The following SLCO1B1 variants were observed in gnomAD, a reference collection of about 807,000 sequenced individuals.
SLCO1B1 encodes the protein solute carrier organic anion transporter family member 1B1.
A neutral mutation model predicts 70.1 loss-of-function variants in SLCO1B1; 81 were observed. The ratio of observed to expected loss-of-function variants is 1.16; its 90% CI spans 0.97 to 1.39. The LOEUF is 1.39. Ranked by LOEUF, SLCO1B1 falls within the 40% of genes most tolerant of loss-of-function variation. The probability of loss-of-function intolerance (pLI) is 0.00; values close to 1 mark genes in which losing one functional copy is unlikely to be tolerated. For synonymous variants in SLCO1B1, 283 were observed against 271.5 expected, an observed-to-expected ratio of 1.04 and a Z score of -0.42; for missense variants, 895 against 799.6, an observed-to-expected ratio of 1.12 and a Z score of -1.44.
intron 14 of SLCO1B1, among the ~76,000 whole-genome samples, chr12:21,230,335 TTTTTTTTTTTTG>T (rs1284253958): frequency 3.5e-5 from 5 of 143,480 alleles, no homozygotes; most frequent in Non-Finnish European, 4.5e-5. Context: ...TTTTTTTTTT[TTTTTTTTTTTTG>T]GAGACATAGT....
chr12:21,145,048 A>G (rs1940362819), intron 2 of SLCO1B1, among the ~76,000 whole-genome samples: 1 of 152,214 alleles, frequency 6.6e-6, no homozygotes. Flanking sequence ...ACAGAATCAA[A>G]TCCTCACATA....
intron 12 of SLCO1B1, among the ~76,000 whole-genome samples, chr12:21,221,596 A>G (rs1941424699): frequency 6.6e-6 from 1 of 152,134 alleles, no homozygotes; most frequent in African/African-American, 2.4e-5. Context: ...AAAATAGGGT[A>G]AATGATACGA....
intron 2 of SLCO1B1, among the ~76,000 whole-genome samples, chr12:21,160,108 A>T (rs1312901068): frequency 1.6e-5 from 2 of 125,564 alleles, no homozygotes; most frequent in Non-Finnish European, 3.7e-5. Context: ...CACAGAACTA[A>T]AAAAAAAAAA....
At chr12:21,150,949 GATAT>G (rs944944568) in intron 2 of SLCO1B1, among the ~76,000 whole-genome samples, 2 of 152,140 alleles carry the variant, frequency 1.3e-5, no homozygotes, top group Non-Finnish European at 2.9e-5. Context: ...AGTGATTACT[GATAT>G]ATAGTCATGT....
intron 7 of SLCO1B1, among the ~76,000 whole-genome samples, chr12:21,187,040 C>A (rs1004026506): frequency 6.6e-6 from 1 of 152,038 alleles, no homozygotes; most frequent in African/African-American, 2.4e-5. Flanking sequence ...CTAAGAAAAT[C>A]ATTGAGAAAG....
chr12:21,159,184 T>C (rs1010805396), intron 2 of SLCO1B1, among the ~76,000 whole-genome samples: 1 of 152,188 alleles, frequency 6.6e-6, no homozygotes, highest in African/African-American at 2.4e-5. Context: ...TGAAGTTCTG[T>C]AGTCAAAGTA....
At chr12:21,233,820 C>G (rs992621597) in intron 14 of SLCO1B1, among the ~76,000 whole-genome samples, 4 of 152,156 alleles carry the variant, frequency 2.6e-5, no homozygotes, top group Non-Finnish European at 5.9e-5. Flanking sequence ...GCCCACAGTC[C>G]AAGAGAACTA....
At chr12:21,172,816 A>G in intron 3 of SLCO1B1, 25 bp downstream of exon 3, 2 of 1,602,390 alleles carry the variant, frequency 1.2e-6, no homozygotes, top group East Asian at 2.2e-5. Context: ...CTATTTTAAT[A>G]ACCAAACTTG....
At chr12:21,200,848 G>T (rs555408686) in intron 9 of SLCO1B1, among the ~76,000 whole-genome samples, 176 bp downstream of exon 9, 300 of 152,016 alleles carry the variant, frequency 2.0e-3, no homozygotes, top group African/African-American at 6.7e-3. Flanking sequence ...TGTCACTATT[G>T]CTCTGCATTT....
chr12:21,218,410 A>G (rs1026558897), intron 12 of SLCO1B1, among the ~76,000 whole-genome samples: 221 of 152,152 alleles, frequency 1.5e-3, no homozygotes, highest in African/African-American at 5.2e-3. Flanking sequence ...TTTAAAACTT[A>G]CATTGTTGAT....
chr12:21,150,213 A>G (rs1450163460), intron 2 of SLCO1B1, among the ~76,000 whole-genome samples: 1 of 152,036 alleles, frequency 6.6e-6, no homozygotes, highest in East Asian at 1.9e-4. Context: ...TATATATAAA[A>G]TTCCCTCTAT....
intron 1 of SLCO1B1, among the ~76,000 whole-genome samples, chr12:21,134,626 T>C (rs1940191212): frequency 6.6e-6 from 1 of 152,160 alleles, no homozygotes; most frequent in South Asian, 2.1e-4. Context: ...TGCCTAGAGG[T>C]GTTTATAGTA....
rs539452856 is a variant in SLCO1B1 at position 21,153,445 on chromosome 12, G to A, written c.84+11787G>A. ...GTAATATTTGTCATAATTGCATTGTGGAAGCTATGACAACTAATTTTTGAA... is the reference window on the plus strand; with the variant it reads ...GTAATATTTGTCATAATTGCATTGTAGAAGCTATGACAACTAATTTTTGAA... On this transcript the variant is annotated intron_variant, in intron 2 of 14. Coordinates refer to ENST00000256958, the MANE Select transcript of SLCO1B1 (RefSeq NM_006446.5). 5.3e-5 allele frequency among the ~76,000 whole-genome samples: 8 copies of A among 152,038 alleles called. No individual in the cohort carries two copies. The East Asian group carries it at 1.5e-3, about 29-fold the overall frequency.
intron 11 of SLCO1B1, among the ~76,000 whole-genome samples, chr12:21,210,591 G>C: frequency 6.7e-6 from 1 of 149,360 alleles, no homozygotes; most frequent in Non-Finnish European, 1.5e-5. Context: ...TTCCAATTCT[G>C]TGAAGAAAGT....
At chr12:21,152,554 C>CTTTTTTTTTTTT (rs1940488342) in intron 2 of SLCO1B1, among the ~76,000 whole-genome samples, 10 of 8,478 alleles carry the variant, frequency 1.2e-3, no homozygotes, top group South Asian at 0.012. Context: ...TTTTTTTTGC[C>CTTTTTTTTTTTT]TCTGGACTGT....
At chr12:21,216,902 CTAAA>C (rs1565441883) in intron 11 of SLCO1B1, among the ~76,000 whole-genome samples, 1 of 152,118 alleles carries the variant, frequency 6.6e-6, no homozygotes, top group Non-Finnish European at 1.5e-5. Context: ...TAAGAATGAA[CTAAA>C]TGTCAATCAT....
At chr12:21,144,189 G>A (rs917273698) in intron 2 of SLCO1B1, among the ~76,000 whole-genome samples, 2 of 152,056 alleles carry the variant, frequency 1.3e-5, no homozygotes, top group African/African-American at 4.8e-5. Context: ...AACAATTCAA[G>A]AGTTTAAAGA....
intron 14 of SLCO1B1, among the ~76,000 whole-genome samples, chr12:21,226,564 A>T (rs976897349): frequency 6.6e-6 from 1 of 152,158 alleles, no homozygotes; most frequent in Non-Finnish European, 1.5e-5. Flanking sequence ...GATAAGGATG[A>T]GTAGGTGGAG....
chr12:21,133,899 C>T (rs868117303), intron 1 of SLCO1B1, among the ~76,000 whole-genome samples: 1 of 152,150 alleles, frequency 6.6e-6, no homozygotes, highest in Admixed American at 6.6e-5. Flanking sequence ...GAGGGCATCC[C>T]TGTCTTGTGC....
Sources: gnomAD v4.1 joint callset for allele counts (sites outside exome capture counted in the v4.1 genomes callset) on GRCh38, gnomAD v4.1.1 for gene constraint, MANE v1.5 for transcripts, NCBI Gene and HGNC (gene_info 2026-07-23, HGNC 2026-07-21) for gene names.